STS: variants seen among roughly 807,000 people sequenced by gnomAD.
The protein encoded by STS is steroid sulfatase, also known as steryl-sulfatase.
In STS, 7 loss-of-function variants were observed where a neutral mutation model predicts 26.8. That is an observed-to-expected ratio of 0.26 (90% CI 0.15 to 0.49). STS has a LOEUF of 0.49. STS is among the 20% of genes least tolerant of loss of function. The probability of loss-of-function intolerance (pLI) is 0.98; values close to 1 mark genes in which losing one functional copy is unlikely to be tolerated. For missense variants in STS, 434 were observed against 465.6 expected (o/e 0.93, Z 0.63); for synonymous variants, 199 against 189.4 (o/e 1.05, Z -0.42).
At chrX:7,282,146 T>C (rs544633627) in intron 7 of STS, among the ~76,000 whole-genome samples, 8 of 112,140 alleles carry the variant, frequency 7.1e-5, no homozygotes, top group African/African-American at 2.6e-4. Context: ...GAATGGGAGC[T>C]TGCATCATGG....
chrX:7,159,935 G>T (rs1293813877), intron 1 of STS, among the ~76,000 whole-genome samples: 7 of 112,071 alleles, frequency 6.2e-5, no homozygotes, highest in African/African-American at 1.9e-4. Context: ...ATGAGCGTTC[G>T]GCTGGGATAC....
chrX:7,283,365 G>A (rs957830362), intron 7 of STS, among the ~76,000 whole-genome samples: 3 of 111,818 alleles, frequency 2.7e-5, no homozygotes, highest in Admixed American at 9.5e-5. Flanking sequence ...GCATTTCAAC[G>A]GATAATGATC....
At chrX:7,233,217 C>T (rs1272296007) in intron 2 of STS, among the ~76,000 whole-genome samples, 3 of 108,143 alleles carry the variant, frequency 2.8e-5, no homozygotes, top group Non-Finnish European at 5.7e-5. Context: ...CCTCAGCCTC[C>T]CAAGCAGCTG....
At chrX:7,279,339 A>ATG (rs1199607828) in intron 7 of STS, among the ~76,000 whole-genome samples, 1,540 of 42,258 alleles carry the variant, frequency 0.036, 46 homozygotes, top group African/African-American at 0.12. Context: ...GTGTGTGTGT[A>ATG]TGTGTGTGTG....
chrX:7,325,959 A>T, intron 9 of STS, among the ~76,000 whole-genome samples: 1 of 112,013 alleles, frequency 8.9e-6, no homozygotes, highest in Middle Eastern at 4.6e-3. Flanking sequence ...CAGAGGATTT[A>T]TTTATGGGCA....
intron 2 of STS, among the ~76,000 whole-genome samples, chrX:7,241,365 C>T (rs751897898): frequency 1.8e-5 from 2 of 111,894 alleles, no homozygotes; most frequent in Non-Finnish European, 3.8e-5. Context: ...AGTTAGTCCT[C>T]ATATAGAGCC....
chrX:7,291,527 T>A (rs1263082520), intron 7 of STS, among the ~76,000 whole-genome samples: 1 of 112,269 alleles, frequency 8.9e-6, no homozygotes, highest in Non-Finnish European at 1.9e-5. Flanking sequence ...AGCAAAAAAA[T>A]TAAAACAGAA....
chrX:7,203,959 C>G (rs802887), intron 2 of STS, among the ~76,000 whole-genome samples: 7 of 109,056 alleles, frequency 6.4e-5, no homozygotes, highest in African/African-American at 2.0e-4. Context: ...TAATTTTTAA[C>G]TTTTTTGTAG....
chrX:7,241,535 A>G (rs781753383), intron 2 of STS, among the ~76,000 whole-genome samples: 31 of 112,024 alleles, frequency 2.8e-4, no homozygotes, highest in Middle Eastern at 4.6e-3. Context: ...TGCTTATATA[A>G]ATTCTGAGAC....
At chrX:7,311,160 T>A (rs1266986120) in intron 8 of STS, among the ~76,000 whole-genome samples, 2 of 110,305 alleles carry the variant, frequency 1.8e-5, no homozygotes, top group Non-Finnish European at 3.8e-5. Context: ...CAATTTTCCA[T>A]CTTGTCCAGG....
At chrX:7,304,819 C>T (rs1440384060) in intron 7 of STS, among the ~76,000 whole-genome samples, 1 of 111,485 alleles carries the variant, frequency 9.0e-6, no homozygotes, top group African/African-American at 3.3e-5. Flanking sequence ...CCCAGAGGTT[C>T]AAATGGTGCT....
chrX:7,277,815 T>A (rs1924613720), intron 7 of STS, among the ~76,000 whole-genome samples: 1 of 112,489 alleles, frequency 8.9e-6, no homozygotes, highest in African/African-American at 3.2e-5. Context: ...ATTTTTTCCT[T>A]TCTAAAATGT....
intron 9 of STS, among the ~76,000 whole-genome samples, chrX:7,327,189 C>T (rs1428892610): frequency 9.0e-6 from 1 of 110,712 alleles, no homozygotes; most frequent in East Asian, 2.8e-4. Context: ...CCATTGTACA[C>T]TCCTAAAAAG....
At chrX:7,343,451 A>G (rs190337052) in intron 10 of STS, among the ~76,000 whole-genome samples, 1 of 112,534 alleles carries the variant, frequency 8.9e-6, no homozygotes, top group Admixed American at 9.4e-5. Flanking sequence ...TATAGTCTCT[A>G]CTATAGACCC....
At chrX:7,152,126 G>A (rs1300689047) in intron 1 of STS, among the ~76,000 whole-genome samples, 1 of 108,642 alleles carries the variant, frequency 9.2e-6, no homozygotes, top group African/African-American at 3.4e-5. Flanking sequence ...CTAGTTTTTT[G>A]TATTTTTAGT....
At chrX:7,233,819 T>G (rs1031948202) in intron 2 of STS, among the ~76,000 whole-genome samples, 8 of 111,102 alleles carry the variant, frequency 7.2e-5, no homozygotes, top group African/African-American at 2.6e-4. Context: ...CAGTGGGAGG[T>G]AAGAATAACA....
intron 5 of STS, among the ~76,000 whole-genome samples, chrX:7,258,298 T>TA (rs1923547949): frequency 1.8e-5 from 2 of 109,300 alleles, no homozygotes; most frequent in Non-Finnish European, 3.8e-5. Flanking sequence ...GATAGATAGA[T>TA]GTTATATATA....
intron 7 of STS, among the ~76,000 whole-genome samples, chrX:7,293,034 A>G: frequency 9.0e-6 from 1 of 111,704 alleles, no homozygotes. Flanking sequence ...TTTTAAAGCA[A>G]GAGTGGGTAG....
In STS at chrX:7,244,113, G is replaced by A. The variant is rs150609230; in HGVS notation, c.-4-9083G>A. Among the ~76,000 whole-genome samples, 43 of 111,551 alleles carry A rather than the reference G, an allele frequency of 3.9e-4. 1 individual carries two copies. The highest frequency in any genetic ancestry group is 5.7e-5 in the Non-Finnish European group (3 of 53,086). ...ATGGCTCCCAATGACTAATGTGTAG[G>A]AGTAAGGATTCTTTGACTGGGGTTC... On this transcript the variant is annotated intron_variant, in intron 2 of 10. Coordinates refer to ENST00000674429, the MANE Select transcript of STS (RefSeq NM_001320752.2).
Sources: allele counts gnomAD v4.1 joint callset (sites outside exome capture counted in the v4.1 genomes callset), GRCh38; gene constraint gnomAD v4.1.1; transcripts MANE v1.5; gene names NCBI Gene and HGNC (gene_info 2026-07-23, HGNC 2026-07-21).